The following DACH1 variants were observed in gnomAD, a reference collection of about 807,000 sequenced individuals.
DACH1 encodes dachshund family transcription factor 1.
DACH1 carries 12 observed loss-of-function variants against 54.2 expected under a neutral mutation model. The ratio of observed to expected loss-of-function variants is 0.22; its 90% CI spans 0.14 to 0.36. The LOEUF is 0.36. Among genes scored for constraint, DACH1 ranks in the 10% least tolerant of loss-of-function variants. The pLI, the probability that DACH1 is intolerant of heterozygous loss-of-function variation, is 1.00. For synonymous variants in DACH1, 386 were observed against 366.2 expected (o/e 1.05, Z -0.62); for missense variants, 805 against 929.8 (o/e 0.87, Z 1.75).
At chr13:71,519,708 T>G (rs914813969) in intron 6 of DACH1, among the ~76,000 whole-genome samples, 47 of 150,852 alleles carry the variant, frequency 3.1e-4, no homozygotes, top group Middle Eastern at 3.4e-3. Flanking sequence ...AATGTTTTTA[T>G]TAATAAACTG....
At chr13:71,580,400 A>C (rs1230954935) in intron 3 of DACH1, among the ~76,000 whole-genome samples, 2 of 152,190 alleles carry the variant, frequency 1.3e-5, no homozygotes, top group East Asian at 3.9e-4. Flanking sequence ...CACATTAAAT[A>C]AAATGGTGAG....
intron 1 of DACH1, among the ~76,000 whole-genome samples, chr13:71,804,610 C>T (rs1887419088): frequency 6.6e-6 from 1 of 152,152 alleles, no homozygotes; most frequent in African/African-American, 2.4e-5. Context: ...TACTCATTAG[C>T]TACATGATTG....
chr13:71,760,160 T>G (rs1176368845), intron 1 of DACH1, among the ~76,000 whole-genome samples: 3 of 152,230 alleles, frequency 2.0e-5, no homozygotes, highest in Admixed American at 6.5e-5. Context: ...TTGCTGATTC[T>G]GACAACTGGA....
At chr13:71,865,824 G>C in intron 1 of DACH1, 98 bp downstream of exon 1, 7 of 1,327,014 alleles carry the variant, frequency 5.3e-6, no homozygotes, top group Non-Finnish European at 6.7e-6. Flanking sequence ...CGCGGCTCGC[G>C]GGCGCGCAGA....
chr13:71,539,781 G>A (rs1883017362), intron 6 of DACH1, among the ~76,000 whole-genome samples: 1 of 151,946 alleles, frequency 6.6e-6, no homozygotes, highest in Admixed American at 6.6e-5. Flanking sequence ...TTTTATGAAA[G>A]TACTATGGTT....
In DACH1 at chr13:71,630,692, A is replaced by T; in HGVS notation, c.990T>A (p.Ala330=). ...PTGLTAAAAA[A]AAATNAAIAE... The stretch of plus-strand genomic sequence containing the variant: ...CAATAGCTGCATTGGTAGCAGCAGC[A>T]GCTGCTGCAGCGGCTGCTGTCAGAC... Residue 330 remains alanine (A), a synonymous_variant, in exon 3 of 11, where the codon GCT becomes GCA. Transcript: ENST00000613252. 2.5e-6 allele frequency: 4 copies of T among 1,589,262 alleles called. No homozygotes were observed. Among genetic ancestry groups the T allele is most frequent in the Non-Finnish European group, 3.4e-6 (4 of 1,172,188 alleles).
intron 6 of DACH1, among the ~76,000 whole-genome samples, chr13:71,539,833 C>T (rs1883020426): frequency 6.6e-6 from 1 of 151,772 alleles, no homozygotes; most frequent in East Asian, 1.9e-4. Context: ...AAAGATGGAA[C>T]TGGAAAAGGA....
At chr13:71,569,071 T>C (rs1203478618) in intron 4 of DACH1, among the ~76,000 whole-genome samples, 1 of 152,144 alleles carries the variant, frequency 6.6e-6, no homozygotes, top group African/African-American at 2.4e-5. Flanking sequence ...AACGCTTGCA[T>C]GTAAAGCAAA....
At chr13:71,743,379 T>C (rs1299145402) in intron 1 of DACH1, among the ~76,000 whole-genome samples, 1 of 152,194 alleles carries the variant, frequency 6.6e-6, no homozygotes, top group Non-Finnish European at 1.5e-5. Flanking sequence ...CAAGACTGCA[T>C]GGTCTGTCTG....
chr13:71,440,595 T>C lies in DACH1; in HGVS notation c.*60A>G. The C allele has an allele frequency of 5.8e-6, 8 of 1,380,648 alleles. No homozygotes were observed. The highest frequency in any genetic ancestry group is 4.4e-5 in the African/African-American group (3 of 68,124). 85.5% of individuals were successfully genotyped at this position (1,380,648 alleles called of 1,614,324 possible). A position where few individuals can be genotyped will look rare whatever the true frequency, so the allele number is the denominator to read the frequency against. ...CTTTATTTTTTTCTGAACTTTCCCATGACGAATGTCTGACTGCAAAGTTCT... is the reference window on the plus strand; with the variant it reads ...CTTTATTTTTTTCTGAACTTTCCCACGACGAATGTCTGACTGCAAAGTTCT... On this transcript the variant is annotated 3_prime_UTR_variant, in exon 11 of 11. Coordinates refer to ENST00000613252, the MANE Select transcript of DACH1 (RefSeq NM_080759.6).
chr13:71,598,018 T>G (rs953244460), intron 3 of DACH1, among the ~76,000 whole-genome samples: 5 of 148,398 alleles, frequency 3.4e-5, no homozygotes, highest in African/African-American at 1.3e-4. Flanking sequence ...AGGCAGAGGT[T>G]ACAGTGAGCC....
intron 7 of DACH1, among the ~76,000 whole-genome samples, chr13:71,487,289 G>A (rs1878615913): frequency 6.6e-6 from 1 of 152,126 alleles, no homozygotes; most frequent in South Asian, 2.1e-4. Flanking sequence ...TTGAAAATAT[G>A]TCTTGAAGGC....
At chr13:71,692,505 CCTTTT>C (rs1743974334) in intron 1 of DACH1, among the ~76,000 whole-genome samples, 1 of 72,278 alleles carries the variant, frequency 1.4e-5, no homozygotes, top group Non-Finnish European at 2.7e-5. Flanking sequence ...TCTTTTCTTT[CCTTTT>C]TTTTTTTTTT....
chr13:71,772,177 T>A (rs2138038580), intron 1 of DACH1, among the ~76,000 whole-genome samples: 1 of 151,766 alleles, frequency 6.6e-6, no homozygotes. Flanking sequence ...GAATATGTTC[T>A]GATGTTTAAA....
chr13:71,478,997 TGTAC>T (rs1877806870), intron 8 of DACH1, among the ~76,000 whole-genome samples, 168 bp downstream of exon 8: 1 of 152,168 alleles, frequency 6.6e-6, no homozygotes, highest in Non-Finnish European at 1.5e-5. Flanking sequence ...AAAGAAAACA[TGTAC>T]TTTGGAGATT....
intron 6 of DACH1, among the ~76,000 whole-genome samples, chr13:71,505,490 C>G (rs754952744): frequency 2.0e-5 from 3 of 151,464 alleles, no homozygotes; most frequent in Non-Finnish European, 4.4e-5. Flanking sequence ...AAAGCAGATT[C>G]TGTGTGTGTG....
intron 3 of DACH1, among the ~76,000 whole-genome samples, chr13:71,609,264 G>C (rs1325320797): frequency 6.6e-6 from 1 of 151,970 alleles, no homozygotes; most frequent in Non-Finnish European, 1.5e-5. Flanking sequence ...CCAGAAAACA[G>C]ATCTTTCTCT....
At chr13:71,856,174 A>T (rs914835567) in intron 1 of DACH1, among the ~76,000 whole-genome samples, 15 of 151,976 alleles carry the variant, frequency 9.9e-5, no homozygotes, top group African/African-American at 3.6e-4. Context: ...AGAAGGCTCC[A>T]ATATTAAGGT....
At chr13:71,694,899 C>T (rs1881742390) in intron 1 of DACH1, among the ~76,000 whole-genome samples, 1 of 152,108 alleles carries the variant, frequency 6.6e-6, no homozygotes, top group Non-Finnish European at 1.5e-5. Context: ...TATTATTTCA[C>T]TTAATTCAAG....
Sources: gnomAD v4.1 joint callset for allele counts (sites outside exome capture counted in the v4.1 genomes callset) on GRCh38, gnomAD v4.1.1 for gene constraint, MANE v1.5 for transcripts, NCBI Gene and HGNC (gene_info 2026-07-23, HGNC 2026-07-21) for gene names.